SLC25A21: variants seen among roughly 807,000 people sequenced by gnomAD.
The protein encoded by SLC25A21 is solute carrier family 25 member 21, also known as mitochondrial 2-oxodicarboxylate carrier.
A neutral mutation model predicts 43.8 loss-of-function variants in SLC25A21; 47 were observed. The ratio of observed to expected loss-of-function variants is 1.07; its 90% CI spans 0.85 to 1.37. The LOEUF (loss-of-function observed/expected upper bound fraction) is 1.37, where lower values mean the gene tolerates loss of function less well. Ranked by LOEUF, SLC25A21 falls within the 40% of genes most tolerant of loss-of-function variation. The pLI is 0.00. For missense variants in SLC25A21, 352 were observed against 350.2 expected (o/e 1.00, Z -0.04); for synonymous variants, 131 against 121.3 (o/e 1.08, Z -0.52).
At chr14:36,786,248 A>G (rs1887246621) in intron 3 of SLC25A21, among the ~76,000 whole-genome samples, 1 of 152,230 alleles carries the variant, frequency 6.6e-6, no homozygotes, top group South Asian at 2.1e-4. Context: ...GCACCAGAGT[A>G]GGCACTCATT....
intron 1 of SLC25A21, among the ~76,000 whole-genome samples, chr14:36,966,179 A>C (rs1287691356): frequency 1.3e-5 from 2 of 152,116 alleles, no homozygotes; most frequent in Non-Finnish European, 2.9e-5. Context: ...TCCATTTCCA[A>C]GGTAGCTTCT....
chr14:36,768,947 A>C (rs1250303030), intron 3 of SLC25A21, among the ~76,000 whole-genome samples: 6 of 143,388 alleles, frequency 4.2e-5, no homozygotes, highest in Non-Finnish European at 9.0e-5. Context: ...AAAAAAAAAA[A>C]CAAAAACCTA....
intron 1 of SLC25A21, among the ~76,000 whole-genome samples, chr14:37,061,866 T>C (rs540812177): frequency 6.6e-6 from 1 of 152,338 alleles, no homozygotes; most frequent in South Asian, 2.1e-4. Flanking sequence ...AATTTCCTTC[T>C]GGGAAATGCT....
At chr14:36,860,845 G>C (rs1316932206) in intron 2 of SLC25A21, among the ~76,000 whole-genome samples, 1 of 152,114 alleles carries the variant, frequency 6.6e-6, no homozygotes, top group Non-Finnish European at 1.5e-5. Context: ...AAACAGAAAT[G>C]CATATCCCAG....
chr14:36,717,586 G>A (rs12587912), intron 6 of SLC25A21, among the ~76,000 whole-genome samples: 22,479 of 152,264 alleles, frequency 0.15, 2,160 homozygotes, highest in Admixed American at 0.32. Flanking sequence ...ACCAATGGCA[G>A]AGCTGGGAGG....
chr14:37,004,898 G>C (rs574896062), intron 1 of SLC25A21, among the ~76,000 whole-genome samples: 1 of 151,304 alleles, frequency 6.6e-6, no homozygotes, highest in African/African-American at 2.4e-5. Flanking sequence ...TTACCAGAAG[G>C]AGGAATAAGA....
At chr14:37,161,745 G>A (rs997315305) in intron 1 of SLC25A21, among the ~76,000 whole-genome samples, 10 of 151,814 alleles carry the variant, frequency 6.6e-5, no homozygotes, top group African/African-American at 2.4e-4. Flanking sequence ...CGAATCACAA[G>A]GTCAGGAGAC....
At chr14:36,900,438 A>G (rs1316627468) in intron 1 of SLC25A21, among the ~76,000 whole-genome samples, 1 of 152,070 alleles carries the variant, frequency 6.6e-6, no homozygotes, top group African/African-American at 2.4e-5. Flanking sequence ...AAATGATAAG[A>G]CTGGGTTTGG....
At chr14:36,708,064 C>G (rs1306189291) in intron 7 of SLC25A21, among the ~76,000 whole-genome samples, 2 of 152,200 alleles carry the variant, frequency 1.3e-5, no homozygotes, top group East Asian at 1.9e-4. Flanking sequence ...AAGGTGGAGG[C>G]TCCAGTGAAA....
intron 1 of SLC25A21, among the ~76,000 whole-genome samples, chr14:37,156,488 A>G (rs1031932962): frequency 6.6e-6 from 1 of 152,144 alleles, no homozygotes; most frequent in African/African-American, 2.4e-5. Flanking sequence ...ACGGCTAAAC[A>G]GATTTTTTAA....
intron 1 of SLC25A21, among the ~76,000 whole-genome samples, chr14:36,936,696 A>G (rs1892432920): frequency 6.6e-6 from 1 of 152,282 alleles, no homozygotes; most frequent in East Asian, 1.9e-4. Flanking sequence ...CGGTAATATA[A>G]GTAAACGTAT....
intron 2 of SLC25A21, among the ~76,000 whole-genome samples, chr14:36,851,546 T>C (rs901078294): frequency 6.6e-6 from 1 of 152,200 alleles, no homozygotes; most frequent in Non-Finnish European, 1.5e-5. Context: ...TAACATAATA[T>C]GCTTGGTAAC....
At chr14:36,972,512 G>A (rs1959774450) in intron 1 of SLC25A21, among the ~76,000 whole-genome samples, 1 of 152,176 alleles carries the variant, frequency 6.6e-6, no homozygotes, top group South Asian at 2.1e-4. Flanking sequence ...AGGTTAACAG[G>A]CCAGGAAAGA....
chr14:36,800,602 C>T (rs1232352113), intron 3 of SLC25A21, among the ~76,000 whole-genome samples: 1 of 152,008 alleles, frequency 6.6e-6, no homozygotes, highest in East Asian at 1.9e-4. Flanking sequence ...TGGGGAATTA[C>T]TGTTTAAGGG....
At chr14:36,864,034 G>C (rs1890145023) in intron 2 of SLC25A21, among the ~76,000 whole-genome samples, 1 of 152,204 alleles carries the variant, frequency 6.6e-6, no homozygotes, top group South Asian at 2.1e-4. Flanking sequence ...TCTCTTCATA[G>C]GGTCATGGCC....
chr14:36,804,984 G>A (rs1202241946), intron 3 of SLC25A21, among the ~76,000 whole-genome samples: 1 of 152,106 alleles, frequency 6.6e-6, no homozygotes, highest in Non-Finnish European at 1.5e-5. Context: ...TATTTCCAGT[G>A]GGATATCCCC....
chr14:37,089,298 C>G (rs1962540609), intron 1 of SLC25A21, among the ~76,000 whole-genome samples: 1 of 152,084 alleles, frequency 6.6e-6, no homozygotes, highest in Non-Finnish European at 1.5e-5. Context: ...ATATTTTCTA[C>G]AGTCTTATGA....
At chr14:37,070,156 C>A (rs1043836290) in intron 1 of SLC25A21, among the ~76,000 whole-genome samples, 1 of 152,108 alleles carries the variant, frequency 6.6e-6, no homozygotes, top group Admixed American at 6.5e-5. Context: ...TATTACCATC[C>A]TAATCGGACT....
chr14:36,863,942 A>G (rs747099241), intron 2 of SLC25A21, among the ~76,000 whole-genome samples: 1 of 152,204 alleles, frequency 6.6e-6, no homozygotes, highest in Non-Finnish European at 1.5e-5. Context: ...TGAGCTTTCC[A>G]GAGTTTGGCT....
Sources: gnomAD v4.1 joint callset for allele counts (sites outside exome capture counted in the v4.1 genomes callset) on GRCh38, gnomAD v4.1.1 for gene constraint, MANE v1.5 for transcripts, NCBI Gene and HGNC (gene_info 2026-07-23, HGNC 2026-07-21) for gene names.